The following KLHL13 variants were observed in gnomAD, a reference collection of about 807,000 sequenced individuals.
KLHL13 encodes the protein kelch-like protein 13.
Under a neutral mutation model 37.1 loss-of-function variants are expected in KLHL13, and 10 were observed. The ratio of observed to expected loss-of-function variants is 0.27; its 90% CI spans 0.17 to 0.46. KLHL13 has a LOEUF of 0.46. KLHL13 is among the 20% of genes least tolerant of loss of function. KLHL13 has a pLI of 1.00. For missense variants in KLHL13, 360 were observed against 509.3 expected (o/e 0.71, Z 2.82); for synonymous variants, 163 against 181.2 (o/e 0.90, Z 0.81).
intron 1 of KLHL13, among the ~76,000 whole-genome samples, chrX:117,951,362 T>C (rs934083272): frequency 1.8e-5 from 2 of 112,164 alleles, no homozygotes; most frequent in Admixed American, 1.9e-4. Flanking sequence ...TAGCAACTTC[T>C]CTCTCTTTTT....
intron 1 of KLHL13, among the ~76,000 whole-genome samples, chrX:118,097,087 G>C (rs2055217389): frequency 9.0e-6 from 1 of 110,982 alleles, no homozygotes; most frequent in Admixed American, 9.6e-5. Context: ...AGGGCAATCA[G>C]GCAGGAGAAG....
chrX:117,922,933 T>C (rs756521023), intron 2 of KLHL13, among the ~76,000 whole-genome samples: 21 of 112,044 alleles, frequency 1.9e-4, no homozygotes, highest in Non-Finnish European at 3.6e-4. Flanking sequence ...TGTATTAAAA[T>C]ATATAAAGGC....
At chrX:118,113,082 T>C (rs1320858326) in intron 1 of KLHL13, among the ~76,000 whole-genome samples, 1 of 112,045 alleles carries the variant, frequency 8.9e-6, no homozygotes, top group Non-Finnish European at 1.9e-5. Context: ...TTTAATAAAG[T>C]TGGTGACAAC....
chrX:117,967,288 G>A (rs909645270), intron 1 of KLHL13, among the ~76,000 whole-genome samples: 3 of 111,617 alleles, frequency 2.7e-5, no homozygotes, highest in African/African-American at 9.8e-5. Flanking sequence ...AGGATATAAA[G>A]CAATACATCA....
At chrX:117,934,952 A>G (rs1932700901) in intron 2 of KLHL13, among the ~76,000 whole-genome samples, 1 of 111,862 alleles carries the variant, frequency 8.9e-6, no homozygotes, top group Admixed American at 9.5e-5. Flanking sequence ...AGGGATGGCT[A>G]TAATAATTTT....
upstream of KLHL13, among the ~76,000 whole-genome samples, chrX:117,974,702 C>T: frequency 9.0e-6 from 1 of 111,696 alleles, no homozygotes. Context: ...AAGCACAAAA[C>T]ATATATGTAC....
chrX:118,061,540 C>G (rs751818561), intron 1 of KLHL13, among the ~76,000 whole-genome samples: 1 of 111,622 alleles, frequency 9.0e-6, no homozygotes, highest in African/African-American at 3.3e-5. Context: ...AAAGTCTTTA[C>G]GGAGGCAGAA....
At chrX:118,066,984 G>T (rs184266133) in intron 1 of KLHL13, among the ~76,000 whole-genome samples, 1 of 111,608 alleles carries the variant, frequency 9.0e-6, no homozygotes, top group Admixed American at 9.5e-5. Flanking sequence ...GTTTCTCATT[G>T]TAAGTACAGT....
chrX:117,944,139 G>A (rs750313039), intron 2 of KLHL13, among the ~76,000 whole-genome samples: 34 of 110,960 alleles, frequency 3.1e-4, no homozygotes, highest in Non-Finnish European at 6.2e-4. Context: ...CTGTTTGCCC[G>A]GGTATCACCA....
chrX:118,005,077 G>A (rs745693464), intron 1 of KLHL13, among the ~76,000 whole-genome samples: 8 of 111,736 alleles, frequency 7.2e-5, no homozygotes, highest in Non-Finnish European at 1.5e-4. Context: ...TGAGCTTTCT[G>A]CTGTCAATAA....
intron 1 of KLHL13, among the ~76,000 whole-genome samples, chrX:117,967,173 C>T (rs1056429958): frequency 6.3e-5 from 7 of 111,535 alleles, no homozygotes; most frequent in African/African-American, 1.3e-4. Context: ...TGACAAAGGG[C>T]TAATATCCAG....
chrX:118,057,409 T>G (rs1315162542), intron 1 of KLHL13, among the ~76,000 whole-genome samples: 1 of 112,369 alleles, frequency 8.9e-6, no homozygotes, highest in African/African-American at 3.2e-5. Context: ...AAAAACAAAT[T>G]TTTATGACCT....
rs773944834 is a variant in KLHL13 at position 117,945,668 on chromosome X, A to T, written c.99-93T>A. 3.5e-5 allele frequency: 25 copies of T among 711,332 alleles called. No individual in the cohort carries two copies. The Admixed American group carries it at 7.3e-4, about 21-fold the overall frequency. 58.6% of individuals were successfully genotyped at this position (711,332 alleles called of 1,213,427 possible). A position where few individuals can be genotyped will look rare whatever the true frequency, so the allele number is the denominator to read the frequency against. ...AGAAAAATAATCAGTCACTATTGCA[A>T]TCATATGACCATGCAATATGGTGAA... On this transcript the variant is annotated intron_variant, in intron 1 of 6. Coordinates refer to ENST00000262820, the Ensembl canonical transcript of KLHL13.
At chrX:118,076,407 T>C (rs1348296061) in intron 1 of KLHL13, among the ~76,000 whole-genome samples, 4 of 111,828 alleles carry the variant, frequency 3.6e-5, no homozygotes, top group Non-Finnish European at 7.5e-5. Flanking sequence ...CTATAGTTTC[T>C]GAAGCATTAT....
chrX:118,027,142 T>C (rs1221736796), intron 1 of KLHL13, among the ~76,000 whole-genome samples: 1 of 111,775 alleles, frequency 8.9e-6, no homozygotes, highest in Admixed American at 9.5e-5. Context: ...CATCTGTTTA[T>C]TATGAGAGTG....
intron 1 of KLHL13, among the ~76,000 whole-genome samples, chrX:118,067,330 G>GAGTCC (rs2054805508): frequency 9.0e-6 from 1 of 111,715 alleles, no homozygotes; most frequent in African/African-American, 3.3e-5. Context: ...AGGACTGGAA[G>GAGTCC]TTGGTTGCTC....
intron 1 of KLHL13, among the ~76,000 whole-genome samples, chrX:118,101,369 G>A (rs2055286365): frequency 9.0e-6 from 1 of 111,415 alleles, no homozygotes; most frequent in African/African-American, 3.3e-5. Context: ...CAGGTATCAT[G>A]ACAGACAATA....
chrX:117,944,688 T>C (rs1933233453), intron 2 of KLHL13, among the ~76,000 whole-genome samples: 1 of 111,406 alleles, frequency 9.0e-6, no homozygotes, highest in Non-Finnish European at 1.9e-5. Context: ...TTAACTATCT[T>C]TAGAAGACAT....
At chrX:118,102,331 T>C (rs1022335383) in intron 1 of KLHL13, among the ~76,000 whole-genome samples, 1 of 111,955 alleles carries the variant, frequency 8.9e-6, no homozygotes, top group Admixed American at 9.5e-5. Flanking sequence ...TTTTTGCTTG[T>C]CCATGCAGTG....
Sources: allele counts gnomAD v4.1 joint callset (sites outside exome capture counted in the v4.1 genomes callset), GRCh38; gene constraint gnomAD v4.1.1; transcripts MANE v1.5; gene names NCBI Gene and HGNC (gene_info 2026-07-23, HGNC 2026-07-21).